The following INTS6 variants were observed in gnomAD, a reference collection of about 807,000 sequenced individuals.
INTS6 encodes integrator complex subunit 6.
A neutral mutation model predicts 104.9 loss-of-function variants in INTS6; 16 were observed. That is an observed-to-expected ratio of 0.15 (90% CI 0.10 to 0.23). The LOEUF is 0.23. INTS6 is among the 10% of genes least tolerant of loss of function. The pLI, the probability that INTS6 is intolerant of heterozygous loss-of-function variation, is 1.00. For missense variants in INTS6, 584 were observed against 1,062.8 expected, an observed-to-expected ratio of 0.55 and a Z score of 6.26; for synonymous variants, 324 against 358.7, an observed-to-expected ratio of 0.90 and a Z score of 1.09.
chr13:51,355,977 G>A (rs900675863), intron 3 of INTS6, among the ~76,000 whole-genome samples: 24 of 152,116 alleles, frequency 1.6e-4, no homozygotes, highest in African/African-American at 5.3e-4. Flanking sequence ...TCATAATGTG[G>A]ACTTTTCTAA....
intron 7 of INTS6, among the ~76,000 whole-genome samples, chr13:51,386,618 G>T (rs569660732): frequency 6.6e-6 from 1 of 151,940 alleles, no homozygotes; most frequent in African/African-American, 2.4e-5. Context: ...AGTACAAAAG[G>T]TTTCAAAAAG....
intron 4 of INTS6, among the ~76,000 whole-genome samples, chr13:51,404,162 T>G (rs1004400985): frequency 1.3e-5 from 2 of 149,846 alleles, no homozygotes; most frequent in African/African-American, 2.5e-5. Flanking sequence ...CAGTCCCAGC[T>G]AGTTGGGAGG....
downstream of INTS6, among the ~76,000 whole-genome samples, chr13:51,352,207 T>G (rs1469683569): frequency 6.6e-6 from 1 of 152,150 alleles, no homozygotes; most frequent in Non-Finnish European, 1.5e-5. Flanking sequence ...TGAGTATTAC[T>G]TTCTAACAAT....
At chr13:51,344,903 G>A in the INTS6 span, among the ~76,000 whole-genome samples, 2 of 152,176 alleles carry the variant, frequency 1.3e-5, no homozygotes, top group Admixed American at 1.3e-4. Context: ...GGGAATTTAG[G>A]TTAAGGAAAT....
intron 4 of INTS6, among the ~76,000 whole-genome samples, chr13:51,398,331 A>C (rs1956376314): frequency 6.6e-6 from 1 of 152,190 alleles, no homozygotes; most frequent in Non-Finnish European, 1.5e-5. Context: ...ACATAAATGA[A>C]GAAAAATATA....
chr13:51,418,979 G>A (rs1956846602), intron 4 of INTS6, among the ~76,000 whole-genome samples: 1 of 152,076 alleles, frequency 6.6e-6, no homozygotes, highest in South Asian at 2.1e-4. Flanking sequence ...AACACTTCCA[G>A]GCAAGCACTA....
At chr13:51,399,497 TG>T (rs1956397369) in intron 4 of INTS6, among the ~76,000 whole-genome samples, 2 of 152,246 alleles carry the variant, frequency 1.3e-5, no homozygotes, top group East Asian at 3.8e-4. Context: ...CATGTATTTG[TG>T]GAAAATATAT....
At chr13:51,444,345 T>A (rs1329835391) in intron 3 of INTS6, 1 of 145,230 alleles carries the variant, frequency 6.9e-6, no homozygotes, top group Non-Finnish European at 1.5e-5. Flanking sequence ...CCTCAAGTGA[T>A]CCACCTGCTT....
chr13:51,403,876 A>G (rs1956497480), intron 4 of INTS6, among the ~76,000 whole-genome samples: 2 of 152,012 alleles, frequency 1.3e-5, no homozygotes, highest in South Asian at 4.2e-4. Flanking sequence ...AAGAGATGCA[A>G]AGCTAGAGTT....
rs141370084 is a variant in INTS6, at chr13:51,398,446, CA to C, written c.430-2964del. 6.2e-3 allele frequency among the ~76,000 whole-genome samples: 941 copies of C among 152,082 alleles called. 8 individuals carry two copies. The highest frequency in any genetic ancestry group is 0.021 in the African/African-American group (875 of 41,496). ...AAAGGAAATCCATATGACCTATAAA[CA>C]TGTAGGAAGATGATGAAATACACTA... On this transcript the variant is annotated intron_variant, in intron 4 of 17. Transcript: ENST00000311234.
chr13:51,425,743 T>C (rs1956973265), intron 4 of INTS6, among the ~76,000 whole-genome samples: 1 of 151,992 alleles, frequency 6.6e-6, no homozygotes. Flanking sequence ...AAGAAAATCC[T>C]TTTCAATAAC....
chr13:51,348,849 C>T, the INTS6 span, among the ~76,000 whole-genome samples: 3,343 of 51,446 alleles, frequency 0.065, 66 homozygotes, highest in South Asian at 0.12. Context: ...CGTAATTGAG[C>T]AAGTACAGAT....
At position 51,361,892 on chromosome 13, in the gene INTS6, A is replaced by G; in HGVS notation, c.*3860T>C. The stretch of plus-strand genomic sequence containing the variant: ...TCTATTTCCTGAGAGAACCTAACAC[A>G]GGTATTACAGTATTTTTTGACAGGA... On this transcript the variant is annotated 3_prime_UTR_variant, in exon 18 of 18. Coordinates refer to ENST00000311234, the MANE Select transcript of INTS6 (RefSeq NM_012141.3). 6.2e-7 allele frequency: 1 copy of G among 1,611,610 alleles called. No homozygotes were observed.
At chr13:51,350,510 A>C (rs1955394060), downstream of INTS6, among the ~76,000 whole-genome samples, 1 of 152,170 alleles carries the variant, frequency 6.6e-6, no homozygotes, top group Non-Finnish European at 1.5e-5. Flanking sequence ...ATTAGATATA[A>C]TATATATCTT....
Position 51,452,568 on chromosome 13 carries a change from AGGAGAT to A in INTS6, c.-49_-44del. The A allele has an allele frequency of 1.3e-6, 2 of 1,595,768 alleles. No homozygotes were observed. Among genetic ancestry groups the A allele is most frequent in the South Asian group, 1.1e-5 (1 of 90,524 alleles). ...CCGGGGCCCGAGGTGGTGGAGAAAG[AGGAGAT>A]GGTAGAGGTGGAGGCGCCGGTGGCG... is the stretch of plus-strand genomic sequence containing the variant. On this transcript the variant is annotated 5_prime_UTR_variant, in exon 1 of 18. Transcript: ENST00000311234. The surrounding 1 kb of genome is among the most constrained non-coding windows in gnomAD (Gnocchi z 4.2).
downstream of INTS6, among the ~76,000 whole-genome samples, chr13:51,351,177 T>C (rs191188172): frequency 6.2e-4 from 95 of 152,328 alleles, 2 homozygotes; most frequent in South Asian, 0.013. Context: ...AGAATGCAAT[T>C]ACTAGGTCAT....
the INTS6 span, chr13:51,346,937 C>T: frequency 5.3e-6 from 5 of 947,382 alleles, no homozygotes; most frequent in African/African-American, 6.5e-5. Context: ...CGCATTTTAA[C>T]TCTGCACTCC....
At chr13:51,347,670 A>G in the INTS6 span, among the ~76,000 whole-genome samples, 1,329 of 152,280 alleles carry the variant, frequency 8.7e-3, 21 homozygotes, top group African/African-American at 0.03. Context: ...TTTCACAAAT[A>G]ATTCTCAAGT....
chr13:51,421,196 C>T (rs1280592729), intron 4 of INTS6: 10 of 985,652 alleles, frequency 1.0e-5, no homozygotes, highest in South Asian at 9.4e-5. Context: ...CTTTTCCCCA[C>T]GATCTGACTG....
Sources: gnomAD v4.1 joint callset for allele counts (sites outside exome capture counted in the v4.1 genomes callset) on GRCh38, gnomAD v4.1.1 for gene constraint, Gnocchi (gnomAD v3.1) non-coding constraint, MANE v1.5 for transcripts, NCBI Gene and HGNC (gene_info 2026-07-23, HGNC 2026-07-21) for gene names.